The following SLC25A21 variants were observed in gnomAD, a reference collection of about 807,000 sequenced individuals.
The protein encoded by SLC25A21 is mitochondrial 2-oxodicarboxylate carrier.
A neutral mutation model predicts 43.8 loss-of-function variants in SLC25A21; 47 were observed. That is an observed-to-expected ratio of 1.07 (90% confidence interval 0.85 to 1.37). SLC25A21 has a LOEUF of 1.37. Among genes scored for constraint, SLC25A21 ranks in the 40% most tolerant of loss-of-function variants. The pLI, the probability that SLC25A21 is intolerant of heterozygous loss-of-function variation, is 0.00. For synonymous variants in SLC25A21, 131 were observed against 121.3 expected (o/e 1.08, Z -0.52); for missense variants, 352 against 350.2 (o/e 1.00, Z -0.04).
chr14:37,083,286 AT>A (rs886269213), intron 1 of SLC25A21, among the ~76,000 whole-genome samples: 2 of 152,200 alleles, frequency 1.3e-5, no homozygotes, highest in African/African-American at 4.8e-5. Context: ...TTTTCCAGGT[AT>A]TGATACACTA....
At chr14:36,902,436 G>T (rs967190069) in intron 1 of SLC25A21, among the ~76,000 whole-genome samples, 2 of 123,782 alleles carry the variant, frequency 1.6e-5, no homozygotes, top group African/African-American at 6.5e-5. Context: ...GTATCGTATA[G>T]TAAAACACAC....
At chr14:36,711,547 G>T (rs917096200) in intron 6 of SLC25A21, 65 bp from the exon 7 acceptor site, 195 of 1,504,640 alleles carry the variant, frequency 1.3e-4, no homozygotes, top group Middle Eastern at 1.8e-4. Flanking sequence ...GTAAATTACC[G>T]TATTAACTTC....
intron 7 of SLC25A21, among the ~76,000 whole-genome samples, chr14:36,703,882 C>T (rs1316402110): frequency 2.0e-5 from 3 of 152,164 alleles, no homozygotes; most frequent in African/African-American, 7.2e-5. Flanking sequence ...AAAAAGATGT[C>T]AGCATTTAAG....
intron 1 of SLC25A21, among the ~76,000 whole-genome samples, chr14:36,931,541 C>T (rs556711821): frequency 1.3e-5 from 2 of 152,256 alleles, no homozygotes; most frequent in African/African-American, 4.8e-5. Context: ...AAAGAGAGGG[C>T]TCTGCATGCT....
chr14:37,071,522 T>G (rs752618507), intron 1 of SLC25A21, among the ~76,000 whole-genome samples: 11 of 152,190 alleles, frequency 7.2e-5, no homozygotes, highest in Non-Finnish European at 1.3e-4. Context: ...AGAAGGTAGC[T>G]TCAGAATATT....
chr14:36,847,376 T>C (rs1235195778), intron 2 of SLC25A21, among the ~76,000 whole-genome samples: 2 of 152,254 alleles, frequency 1.3e-5, no homozygotes. Context: ...TGGCAGTTAC[T>C]GGCCCTAACA....
At chr14:36,713,815 C>T (rs188519664) in intron 6 of SLC25A21, among the ~76,000 whole-genome samples, 3 of 152,022 alleles carry the variant, frequency 2.0e-5, no homozygotes, top group African/African-American at 7.3e-5. Flanking sequence ...AAGACCCAGT[C>T]TCTACAAAAA....
intron 1 of SLC25A21, among the ~76,000 whole-genome samples, chr14:36,920,722 C>T (rs1221263325): frequency 6.6e-6 from 1 of 151,976 alleles, no homozygotes; most frequent in Non-Finnish European, 1.5e-5. Context: ...ACTTTTGTAC[C>T]TTAACTGCCT....
At chr14:37,162,499 T>A (rs1447993941) in intron 1 of SLC25A21, among the ~76,000 whole-genome samples, 1 of 152,192 alleles carries the variant, frequency 6.6e-6, no homozygotes, top group Non-Finnish European at 1.5e-5. Context: ...CAGACACTTC[T>A]CAAAAGAAGA....
At chr14:37,122,103 T>C (rs957845851) in intron 1 of SLC25A21, among the ~76,000 whole-genome samples, 5 of 152,220 alleles carry the variant, frequency 3.3e-5, no homozygotes, top group African/African-American at 1.2e-4. Context: ...AACAGGAGGA[T>C]ATAGTGTACC....
At chr14:36,702,399 T>C (rs570906354) in intron 7 of SLC25A21, among the ~76,000 whole-genome samples, 6 of 135,506 alleles carry the variant, frequency 4.4e-5, no homozygotes, top group African/African-American at 1.4e-4. Flanking sequence ...AGCACTTTGG[T>C]AGGCCGAGGC....
intron 1 of SLC25A21, among the ~76,000 whole-genome samples, chr14:36,939,875 G>A (rs576141495): frequency 9.1e-4 from 138 of 152,208 alleles, no homozygotes; most frequent in Non-Finnish European, 1.5e-3. Flanking sequence ...CTGCGAATGT[G>A]AACTCACAGA....
intron 1 of SLC25A21, among the ~76,000 whole-genome samples, chr14:37,084,006 G>A (rs984572571): frequency 2.0e-5 from 3 of 152,122 alleles, no homozygotes; most frequent in African/African-American, 7.2e-5. Flanking sequence ...CTTTAAGCAT[G>A]GTGACTATTC....
chr14:37,085,789 T>C (rs1208566516), intron 1 of SLC25A21, among the ~76,000 whole-genome samples: 2 of 152,196 alleles, frequency 1.3e-5, no homozygotes, highest in East Asian at 3.9e-4. Context: ...TGGACTTTGT[T>C]AAGTAGACTT....
Position 36,679,837 on chromosome 14 carries a change from T to C in SLC25A21, c.*821A>G. ...CAATTTGTGATTTAACATGACAATA[T>C]CTCATCAACAAAACTTATCTTCAAA... On this transcript the variant is annotated 3_prime_UTR_variant, in exon 10 of 10. Transcript: ENST00000331299. The C allele has an allele frequency of 8.1e-6, 8 of 984,576 alleles. No homozygotes were observed. Among genetic ancestry groups the C allele is most frequent in the Non-Finnish European group, 9.6e-6 (8 of 829,192 alleles). The allele number at this position is 984,576 out of a possible 1,614,324, so 61.0% of individuals were successfully genotyped here.
intron 1 of SLC25A21, among the ~76,000 whole-genome samples, chr14:36,879,540 A>T (rs2138564245): frequency 6.6e-6 from 1 of 152,264 alleles, no homozygotes; most frequent in East Asian, 1.9e-4. Flanking sequence ...TGAAACTGGT[A>T]ATTTGACCCT....
At chr14:36,830,081 A>T (rs1888981581) in intron 2 of SLC25A21, among the ~76,000 whole-genome samples, 1 of 152,196 alleles carries the variant, frequency 6.6e-6, no homozygotes, top group Admixed American at 6.5e-5. Flanking sequence ...TTGTAAAAAC[A>T]ATAAGAGAGA....
chr14:36,944,971 A>C (rs1892646879), intron 1 of SLC25A21, among the ~76,000 whole-genome samples: 1 of 152,178 alleles, frequency 6.6e-6, no homozygotes, highest in African/African-American at 2.4e-5. Context: ...TGCTGAGAAC[A>C]TGCCAAATCA....
chr14:37,095,162 T>C (rs1338348005), intron 1 of SLC25A21, among the ~76,000 whole-genome samples: 2 of 152,238 alleles, frequency 1.3e-5, no homozygotes, highest in Non-Finnish European at 2.9e-5. Context: ...ATCACTGCTA[T>C]ATCACCATGG....
Sources: gnomAD v4.1 joint callset for allele counts (sites outside exome capture counted in the v4.1 genomes callset) on GRCh38, gnomAD v4.1.1 for gene constraint, MANE v1.5 for transcripts, NCBI Gene and HGNC (gene_info 2026-07-23, HGNC 2026-07-21) for gene names.